Variants in PIGK observed in about 807,000 individuals in gnomAD.
PIGK encodes the protein GPI-anchor transamidase.
In PIGK, 42 loss-of-function variants were observed where a neutral mutation model predicts 50.6. That is an observed-to-expected ratio of 0.83 (90% CI 0.65 to 1.07). The LOEUF (loss-of-function observed/expected upper bound fraction) is 1.07, where lower values mean the gene tolerates loss of function less well. Ranked by LOEUF, PIGK falls within the 50% of genes least tolerant of loss-of-function variation. The probability of loss-of-function intolerance (pLI) is 0.00; values close to 1 mark genes in which losing one functional copy is unlikely to be tolerated. For synonymous variants in PIGK, 151 were observed against 156.0 expected (o/e 0.97, Z 0.24); for missense variants, 448 against 488.7 (o/e 0.92, Z 0.78).
intron 8 of PIGK, among the ~76,000 whole-genome samples, chr1:77,157,455 G>A (rs558418615): frequency 2.0e-5 from 3 of 152,130 alleles, no homozygotes; most frequent in South Asian, 2.1e-4. Flanking sequence ...TTTTTTAAAC[G>A]ATCATTAGAT....
rs145723599 is a variant in PIGK at position 77,091,556 on chromosome 1, C to T, written c.*818G>A. On this transcript the variant is annotated 3_prime_UTR_variant, in exon 11 of 11. Coordinates refer to ENST00000370812, the MANE Select transcript of PIGK (RefSeq NM_005482.3). ...TGACCAATTGTAGAAGATCACAGAACGCTTACAAATGAAAAACAATGGGGT... is the reference window on the plus strand; with the variant it reads ...TGACCAATTGTAGAAGATCACAGAATGCTTACAAATGAAAAACAATGGGGT... The T allele has an allele frequency of 2.6e-5, 4 of 152,224 alleles. No individual in the cohort carries two copies. The highest frequency in any genetic ancestry group is 2.1e-4 in the South Asian group (1 of 4,820). The allele number at this position is 152,224 out of a possible 1,614,324, so 9.4% of individuals were successfully genotyped here.
intron 3 of PIGK, among the ~76,000 whole-genome samples, chr1:77,177,663 A>C (rs2100566614): frequency 6.6e-6 from 1 of 152,160 alleles, no homozygotes; most frequent in East Asian, 1.9e-4. Context: ...CCACACCTCT[A>C]TATTTCTGTG....
At chr1:77,183,147 G>A (rs1833041) in intron 3 of PIGK, among the ~76,000 whole-genome samples, 17,221 of 152,148 alleles carry the variant, frequency 0.11, 1,324 homozygotes, top group African/African-American at 0.21. Flanking sequence ...CTCACTAGGC[G>A]TCTATTGTTA....
intron 9 of PIGK, among the ~76,000 whole-genome samples, chr1:77,127,414 T>C (rs1654256612): frequency 6.6e-6 from 1 of 152,152 alleles, no homozygotes; most frequent in Non-Finnish European, 1.5e-5. Context: ...TAAAATAACA[T>C]ACAGCCAGGT....
At chr1:77,164,047 T>G (rs1429326723) in intron 5 of PIGK, 105 bp from the exon 6 acceptor site, 1 of 611,698 alleles carries the variant, frequency 1.6e-6, no homozygotes, top group African/African-American at 1.9e-5. Flanking sequence ...CGCTTGTTAT[T>G]TTATACTCTA....
chr1:77,209,860 T>A (rs745959096), intron 2 of PIGK, among the ~76,000 whole-genome samples: 11 of 152,084 alleles, frequency 7.2e-5, no homozygotes, highest in Non-Finnish European at 1.5e-4. Flanking sequence ...TCTATATATC[T>A]TTATGCTTAT....
chr1:77,129,495 C>A (rs201829238), intron 9 of PIGK: 1 of 1,461,260 alleles, frequency 6.8e-7, no homozygotes, highest in East Asian at 2.3e-5. Context: ...GATGCGCCGC[C>A]GGACCTACAG....
intron 10 of PIGK, among the ~76,000 whole-genome samples, chr1:77,115,241 G>A (rs1367032904): frequency 6.6e-6 from 1 of 152,148 alleles, no homozygotes; most frequent in African/African-American, 2.4e-5. Flanking sequence ...AACATTTCAG[G>A]ATGCAGAAAA....
At chr1:77,097,984 G>A (rs754524522) in intron 10 of PIGK, among the ~76,000 whole-genome samples, 6 of 151,942 alleles carry the variant, frequency 3.9e-5, no homozygotes, top group Admixed American at 1.3e-4. Flanking sequence ...TATATATAAC[G>A]CTAAACAATA....
intron 7 of PIGK, 61 bp from the exon 8 acceptor site, chr1:77,161,466 G>T: frequency 9.0e-7 from 1 of 1,110,810 alleles, no homozygotes; most frequent in Non-Finnish European, 1.4e-6. Context: ...TGTTTTAAAT[G>T]TAACCAAAAT....
chr1:77,211,476 G>A (rs1406925792), intron 1 of PIGK, among the ~76,000 whole-genome samples: 4 of 151,900 alleles, frequency 2.6e-5, no homozygotes, highest in South Asian at 2.1e-4. Flanking sequence ...TCTCTACAGT[G>A]AGAAGGCAAG....
chr1:77,162,136 T>C (rs1455941148), intron 6 of PIGK, among the ~76,000 whole-genome samples: 7 of 152,154 alleles, frequency 4.6e-5, no homozygotes, highest in Admixed American at 2.0e-4. Context: ...TGGAACGTGA[T>C]GAGTACTATA....
intron 3 of PIGK, among the ~76,000 whole-genome samples, chr1:77,197,620 A>G (rs557219377): frequency 1.3e-5 from 2 of 152,326 alleles, no homozygotes; most frequent in Admixed American, 6.5e-5. Context: ...TTGGTTTGAT[A>G]GTAATCTGAG....
At chr1:77,171,436 C>CAAAAAA (rs58788160) in intron 3 of PIGK, among the ~76,000 whole-genome samples, 1,915 of 46,808 alleles carry the variant, frequency 0.041, 301 homozygotes, top group East Asian at 0.13. Context: ...GACTCCACCT[C>CAAAAAA]AAAAAAAAAA....
intron 3 of PIGK, among the ~76,000 whole-genome samples, chr1:77,202,111 T>TG (rs1457859759): frequency 1.3e-5 from 2 of 151,278 alleles, no homozygotes; most frequent in Admixed American, 6.6e-5. Flanking sequence ...GTTAGCTCAG[T>TG]GGGGGTTGAG....
rs1287622745 is a variant in PIGK at position 77,212,714 on chromosome 1, GTCACTATACAACGA to G, written c.94-2239_94-2226del. ...CAAAAACTATAAAAAAGAGACAAAG[GTCACTATACAACGA>G]TAAAGGAATCAATTCAGCAAGAGAG... On this transcript the variant is annotated intron_variant, in intron 1 of 10. Coordinates refer to ENST00000370812, the MANE Select transcript of PIGK (RefSeq NM_005482.3). 6.6e-5 allele frequency among the ~76,000 whole-genome samples: 10 copies of G among 152,186 alleles called. No homozygotes were observed. The East Asian group carries it at 1.7e-3, about 26-fold the overall frequency.
At chr1:77,203,078 A>ATTT (rs1299377363) in intron 3 of PIGK, among the ~76,000 whole-genome samples, 36 of 152,304 alleles carry the variant, frequency 2.4e-4, no homozygotes, top group African/African-American at 8.4e-4. Context: ...ATCATAAGTA[A>ATTT]ACCACTTTAT....
intron 10 of PIGK, among the ~76,000 whole-genome samples, chr1:77,108,510 G>A (rs1333570157): frequency 1.3e-5 from 2 of 151,630 alleles, no homozygotes; most frequent in East Asian, 1.9e-4. Flanking sequence ...TTTCTCTCTG[G>A]CTGCCCTTAA....
At chr1:77,171,073 T>C (rs550568087) in intron 3 of PIGK, among the ~76,000 whole-genome samples, 1 of 152,234 alleles carries the variant, frequency 6.6e-6, no homozygotes, top group Admixed American at 6.5e-5. Context: ...TTAATTTACA[T>C]TAAATAAATA....
Sources: allele counts gnomAD v4.1 joint callset (sites outside exome capture counted in the v4.1 genomes callset), GRCh38; gene constraint gnomAD v4.1.1; transcripts MANE v1.5; gene names NCBI Gene and HGNC (gene_info 2026-07-23, HGNC 2026-07-21).